AKAP12: variants seen among roughly 807,000 people sequenced by gnomAD.
AKAP12 encodes A-kinase anchor protein 12.
AKAP12 carries 32 observed loss-of-function variants against 79.9 expected under a neutral mutation model. The observed-to-expected ratio is 0.40, with a 90% CI of 0.30 to 0.54. AKAP12 has a LOEUF of 0.54. Among genes scored for constraint, AKAP12 ranks in the 20% least tolerant of loss-of-function variants. The pLI is 0.48. For synonymous variants in AKAP12, 808 were observed against 857.0 expected (o/e 0.94, Z 1.00); for missense variants, 2,074 against 2,177.0 (o/e 0.95, Z 0.94).
At chr6:151,355,143 C>T (rs534699137) in intron 4 of AKAP12, among the ~76,000 whole-genome samples, 2 of 150,624 alleles carry the variant, frequency 1.3e-5, no homozygotes, top group South Asian at 4.2e-4. Flanking sequence ...TTACAGATAA[C>T]ACACCACCAT....
chr6:151,265,215 T>C (rs1218374931), intron 2 of AKAP12, among the ~76,000 whole-genome samples: 4 of 65,226 alleles, frequency 6.1e-5, no homozygotes, highest in Admixed American at 4.6e-4. Context: ...ATCAAGCCTC[T>C]TTTTTTTTTT....
At chr6:151,337,066 T>C (rs1777832407) in intron 3 of AKAP12, among the ~76,000 whole-genome samples, 1 of 152,158 alleles carries the variant, frequency 6.6e-6, no homozygotes, top group Admixed American at 6.6e-5. Flanking sequence ...AAAATTTATA[T>C]TATGGTATGT....
intron 2 of AKAP12, among the ~76,000 whole-genome samples, chr6:151,285,616 A>G (rs1776489278): frequency 6.6e-6 from 1 of 152,266 alleles, no homozygotes; most frequent in East Asian, 1.9e-4. Flanking sequence ...ATTTCATGCA[A>G]AAAAGGGGGG....
chr6:151,309,517 C>G (rs1276269677), intron 3 of AKAP12, among the ~76,000 whole-genome samples: 1 of 152,162 alleles, frequency 6.6e-6, no homozygotes, highest in Non-Finnish European at 1.5e-5. Context: ...TTCACTTGCT[C>G]TTTCTAAAAC....
chr6:151,335,852 T>A (rs1430559997), intron 3 of AKAP12, among the ~76,000 whole-genome samples: 1 of 152,210 alleles, frequency 6.6e-6, no homozygotes. Context: ...AGGTTTGGGC[T>A]CTAGTGTACC....
intron 3 of AKAP12, among the ~76,000 whole-genome samples, chr6:151,322,792 C>T (rs1043169630): frequency 6.8e-6 from 1 of 146,042 alleles, no homozygotes; most frequent in African/African-American, 2.8e-5. Context: ...GCTCCCGAGG[C>T]CAGGGATAGT....
intron 2 of AKAP12, among the ~76,000 whole-genome samples, chr6:151,258,280 A>G (rs1331622139): frequency 1.3e-5 from 2 of 152,228 alleles, no homozygotes; most frequent in Non-Finnish European, 2.9e-5. Flanking sequence ...GGCAAATACA[A>G]GTAAAGGGAA....
chr6:151,242,186 T>C (rs1796991565), intron 2 of AKAP12, among the ~76,000 whole-genome samples: 1 of 152,150 alleles, frequency 6.6e-6, no homozygotes, highest in African/African-American at 2.4e-5. Flanking sequence ...AATTTTAAGG[T>C]ATAATTGCTA....
At chr6:151,293,342 C>T (rs1181880005) in intron 2 of AKAP12, among the ~76,000 whole-genome samples, 1 of 152,092 alleles carries the variant, frequency 6.6e-6, no homozygotes, top group Non-Finnish European at 1.5e-5. Context: ...GGTGCAGGGC[C>T]ACAGAAAAAA....
chr6:151,310,690 C>A (rs1000955008), intron 3 of AKAP12, among the ~76,000 whole-genome samples: 8 of 152,064 alleles, frequency 5.3e-5, no homozygotes, highest in Non-Finnish European at 1.0e-4. Context: ...ACTCAAAAAG[C>A]AACACCTTAT....
chr6:151,349,189 A>G lies in AKAP12; in HGVS notation c.798A>G (p.Lys266=). 6.2e-7 allele frequency: 1 copy of G among 1,612,494 alleles called. No individual in the cohort carries two copies. The highest frequency in any genetic ancestry group is 8.5e-7 in the Non-Finnish European group (1 of 1,180,036). Residue 266 remains lysine (K), a synonymous_variant, in exon 4 of 5, where the codon AAA becomes AAG. Transcript: ENST00000402676. ...AESGQAVEEC[K]EEGEEKQEKE... ...CTGGCCAAGCAGTGGAGGAATGCAA[A>G]GAGGAAGGAGAAGAGAAACAAGAAA...
chr6:151,325,367 G>C (rs1777496708), intron 3 of AKAP12: 5 of 985,378 alleles, frequency 5.1e-6, no homozygotes, highest in Non-Finnish European at 6.0e-6. Flanking sequence ...TTAGTAAATC[G>C]GTGCCAGGAA....
At chr6:151,323,553 CAAA>C (rs11391078) in intron 3 of AKAP12, among the ~76,000 whole-genome samples, 2 of 134,988 alleles carry the variant, frequency 1.5e-5, no homozygotes, top group African/African-American at 5.4e-5. Flanking sequence ...GACTCCATCT[CAAA>C]AAAAAAAAAA....
At chr6:151,302,982 G>C (rs1776893520) in intron 2 of AKAP12, among the ~76,000 whole-genome samples, 2 of 151,792 alleles carry the variant, frequency 1.3e-5, no homozygotes, top group Admixed American at 1.3e-4. Flanking sequence ...GATCAGCTGA[G>C]ATCAGGAGTT....
At chr6:151,283,116 A>T (rs1776439971) in intron 2 of AKAP12, among the ~76,000 whole-genome samples, 1 of 152,176 alleles carries the variant, frequency 6.6e-6, no homozygotes, top group Non-Finnish European at 1.5e-5. Context: ...CCATTTAATG[A>T]CGGTGAGGAG....
intron 3 of AKAP12, among the ~76,000 whole-genome samples, chr6:151,320,980 T>TTTTC (rs58636796): frequency 0.13 from 20,370 of 151,086 alleles, 1,477 homozygotes; most frequent in Middle Eastern, 0.21. Flanking sequence ...GGACATTTTC[T>TTTTC]TTTCTTTCTT....
intron 4 of AKAP12, among the ~76,000 whole-genome samples, chr6:151,354,396 C>T (rs549522426): frequency 2.1e-5 from 3 of 144,520 alleles, no homozygotes; most frequent in East Asian, 2.1e-4. Context: ...TTTCTTGAGA[C>T]GGAGTCTCGC....
intron 3 of AKAP12, among the ~76,000 whole-genome samples, chr6:151,345,117 C>T (rs958760158): frequency 6.6e-6 from 1 of 151,854 alleles, no homozygotes; most frequent in African/African-American, 2.4e-5. Flanking sequence ...GCTGTGTCAC[C>T]CAGGCTGGAG....
At position 151,357,905 on chromosome 6, in the gene AKAP12, G is replaced by A. The variant is rs533180749; in HGVS notation, c.*2191G>A. The A allele has an allele frequency of 1.3e-5, 2 of 152,070 alleles. No homozygotes were observed. Among genetic ancestry groups the A allele is most frequent in the African/African-American group, 4.8e-5 (2 of 41,468 alleles). The allele number at this position is 152,070 out of a possible 1,614,324, so 9.4% of individuals were successfully genotyped here. A position where few individuals can be genotyped will look rare whatever the true frequency, so the allele number is the denominator to read the frequency against. On this transcript the variant is annotated 3_prime_UTR_variant, in exon 5 of 5. Coordinates refer to ENST00000402676, the MANE Select transcript of AKAP12 (RefSeq NM_005100.4). ...TTTGTGTAGTTTGTGGGAAATTGAC[G>A]TTTTTGTTTAAATTCCACCCGCGTT...
Sources: allele counts gnomAD v4.1 joint callset (sites outside exome capture counted in the v4.1 genomes callset), GRCh38; gene constraint gnomAD v4.1.1; transcripts MANE v1.5; gene names NCBI Gene and HGNC (gene_info 2026-07-23, HGNC 2026-07-21).